The following SH3GL1 variants were observed in gnomAD, a reference collection of about 807,000 sequenced individuals.
SH3GL1 encodes SH3 domain containing GRB2 like 1, endophilin A2, also known as endophilin-A2.
SH3GL1 carries 21 observed loss-of-function variants against 48.8 expected under a neutral mutation model. That is an observed-to-expected ratio of 0.43 (90% confidence interval 0.30 to 0.62). The LOEUF is 0.62. Among genes scored for constraint, SH3GL1 ranks in the 20% least tolerant of loss-of-function variants. The probability of loss-of-function intolerance (pLI) is 0.11; values close to 1 mark genes in which losing one functional copy is unlikely to be tolerated. For synonymous variants in SH3GL1, 282 were observed against 217.5 expected, an observed-to-expected ratio of 1.30 and a Z score of -2.61; for missense variants, 454 against 503.0, an observed-to-expected ratio of 0.90 and a Z score of 0.93.
chr19:4,378,134 C>CT (rs1973048821), intron 1 of SH3GL1, among the ~76,000 whole-genome samples: 1 of 152,214 alleles, frequency 6.6e-6, no homozygotes, highest in African/African-American at 2.4e-5. Context: ...GCGTCAGTCA[C>CT]TGAGTATATG....
intron 1 of SH3GL1, among the ~76,000 whole-genome samples, chr19:4,381,138 C>A (rs1973115216): frequency 8.1e-6 from 1 of 123,570 alleles, no homozygotes; most frequent in Non-Finnish European, 1.7e-5. Flanking sequence ...TATCCCCCTG[C>A]CTCTCTGTTC....
At chr19:4,370,254 C>A (rs1191054299) in intron 1 of SH3GL1, among the ~76,000 whole-genome samples, 2 of 152,212 alleles carry the variant, frequency 1.3e-5, no homozygotes, top group Admixed American at 1.3e-4. Context: ...AGGCCATGGT[C>A]CCAGCAGTCC....
intron 2 of SH3GL1, 142 bp downstream of exon 2, chr19:4,366,784 C>A: frequency 2.1e-6 from 2 of 956,010 alleles, no homozygotes; most frequent in Non-Finnish European, 3.4e-6. Context: ...ACGAGGCCCC[C>A]ACACCACCCC....
intron 1 of SH3GL1, among the ~76,000 whole-genome samples, chr19:4,377,588 C>T (rs1343187932): frequency 6.6e-6 from 1 of 152,182 alleles, no homozygotes; most frequent in African/African-American, 2.4e-5. Context: ...AGGCGGTCAG[C>T]AGCTCTGCAC....
rs755374472 is a variant in SH3GL1 at position 4,362,322 on chromosome 19, C to T, written c.910+7G>A. ...ACTGAGGTCGAGGCGGGCCTGGGAA[C>T]ACTCACGCATGCTCCGGCTAGGGGT... On this transcript the variant is annotated splice_region_variant and intron_variant, in intron 9 of 9. Coordinates refer to ENST00000269886, the MANE Select transcript of SH3GL1 (RefSeq NM_003025.4). 1.2e-6 allele frequency: 2 copies of T among 1,610,274 alleles called. No individual in the cohort carries two copies. The highest frequency in any genetic ancestry group is 2.2e-5 in the South Asian group (2 of 90,412).
At position 4,361,756 on chromosome 19, in the gene SH3GL1, G is replaced by A. The variant is rs576935472; in HGVS notation, c.951C>T (p.Phe317=). ...DQPSCKALYD[F]EPENDGELGF... ...CCAGCTCCCCGTCGTTCTCGGGCTC[G>A]AAGTCGTACAGCGCCTTGCAGCTCG... The change falls in exon 10 of 10, where the codon TTC becomes TTT. Residue 317 remains phenylalanine, a synonymous_variant. Coordinates refer to ENST00000269886, the MANE Select transcript of SH3GL1 (RefSeq NM_003025.4). The A allele has an allele frequency of 1.3e-5, 21 of 1,612,020 alleles. No individual in the cohort carries two copies. In the African/African-American group the frequency reaches 1.6e-4, roughly 12 times the overall value.
At chr19:4,363,057 A>C (rs1045216600) in intron 7 of SH3GL1, among the ~76,000 whole-genome samples, 1 of 152,184 alleles carries the variant, frequency 6.6e-6, no homozygotes, top group Non-Finnish European at 1.5e-5. Flanking sequence ...ACATACGCCA[A>C]GGCCCCTGAA....
intron 1 of SH3GL1, among the ~76,000 whole-genome samples, chr19:4,392,536 A>T (rs1002601676): frequency 3.3e-5 from 2 of 60,824 alleles, no homozygotes; most frequent in Admixed American, 1.1e-4. Flanking sequence ...ACACACACAC[A>T]CACACACACA....
intron 1 of SH3GL1, among the ~76,000 whole-genome samples, chr19:4,375,583 GA>G (rs1394105879): frequency 6.6e-6 from 1 of 152,180 alleles, no homozygotes; most frequent in Admixed American, 6.5e-5. Context: ...TCCAAACATG[GA>G]GATGCCAGTG....
chr19:4,384,285 A>G (rs914187264), intron 1 of SH3GL1, among the ~76,000 whole-genome samples: 1 of 152,224 alleles, frequency 6.6e-6, no homozygotes, highest in Non-Finnish European at 1.5e-5. Context: ...GCTAACCCTG[A>G]GCTGGGAGCC....
intron 1 of SH3GL1, among the ~76,000 whole-genome samples, chr19:4,393,051 A>C (rs1005332122): frequency 5.3e-5 from 8 of 152,200 alleles, no homozygotes; most frequent in African/African-American, 1.9e-4. Context: ...ACCTGAGGTC[A>C]GGAGTTCGAG....
chr19:4,363,472 A>G lies in SH3GL1; in HGVS notation c.626T>C (p.Ile209Thr). 1 of 1,611,414 alleles carries G rather than the reference A, an allele frequency of 6.2e-7. No homozygotes were observed. Among genetic ancestry groups the G allele is most frequent in the Non-Finnish European group, 8.5e-7 (1 of 1,178,968 alleles). The part of the protein sequence containing the change: ...TSMHNLLETD[I>T]EQVSQLSALV... The stretch of plus-strand genomic sequence containing the variant: ...GGCCGAGAGCTGACTCACCTGCTCG[A>G]TCTGTGGGGACAGTAGGGCTCAGGG... Residue 209 changes from isoleucine to threonine, a missense_variant and splice_region_variant, in exon 7 of 10, where the codon ATC becomes ACC. Physicochemically the swap from Ile to Thr is moderately conservative, Grantham distance 89 (BLOSUM62 -1). Coordinates refer to ENST00000269886, the MANE Select transcript of SH3GL1 (RefSeq NM_003025.4).
intron 1 of SH3GL1, among the ~76,000 whole-genome samples, chr19:4,383,679 C>T (rs1013938691): frequency 4.6e-5 from 7 of 152,194 alleles, no homozygotes; most frequent in African/African-American, 9.7e-5. Context: ...CTGAGGAACA[C>T]GAGACGGCAC....
In SH3GL1 at chr19:4,367,096, G is replaced by C. The variant is rs538834362; in HGVS notation, c.46-102C>G. 3.9e-6 allele frequency: 4 copies of C among 1,030,560 alleles called. No individual in the cohort carries two copies. Among genetic ancestry groups the C allele is most frequent in the Non-Finnish European group, 6.1e-6 (4 of 653,034 alleles). The allele number at this position is 1,030,560 out of a possible 1,614,324, so 63.8% of individuals were successfully genotyped here. ...TCCAGCCACATCGCATCCACAGCTG[G>C]AGGCAGGAGGCCAAGTGATCAGGAC... On this transcript the variant is annotated intron_variant, in intron 1 of 9. Transcript: ENST00000269886. This position sits in a 1 kb window ranked among gnomAD's most constrained non-coding sequence, Gnocchi z 4.2.
In SH3GL1 at chr19:4,361,310, G is replaced by A; in HGVS notation, c.*290C>T. The A allele has an allele frequency of 8.0e-6, 4 of 497,158 alleles. No homozygotes were observed. The highest frequency in any genetic ancestry group is 1.4e-5 in the Non-Finnish European group (4 of 277,832). The allele number at this position is 497,158 out of a possible 1,614,324, so 30.8% of individuals were successfully genotyped here. On this transcript the variant is annotated 3_prime_UTR_variant, in exon 10 of 10. Transcript: ENST00000269886. ...CCTTAGTGTTGCCCCGCCTCGGCCA[G>A]CTGGGCGAGAAGTTGGGGAGCGGGG...
chr19:4,370,312 G>A (rs1972872129), intron 1 of SH3GL1, among the ~76,000 whole-genome samples: 1 of 152,220 alleles, frequency 6.6e-6, no homozygotes, highest in African/African-American at 2.4e-5. Context: ...CCTGACTAGT[G>A]CAGCGGACTC....
chr19:4,376,969 C>T lies in SH3GL1; in HGVS notation c.46-9975G>A, dbSNP rs1304185768. On this transcript the variant is annotated intron_variant, in intron 1 of 9. Coordinates refer to ENST00000269886, the MANE Select transcript of SH3GL1 (RefSeq NM_003025.4). This position sits in a 1 kb window ranked among gnomAD's most constrained non-coding sequence, Gnocchi z 4.3. ...AAGCTCCGGGGGCAGCAACTCCCCG[C>T]AGTGACCCGGAAGGCAGCCAGATGA... 2.0e-5 allele frequency among the ~76,000 whole-genome samples: 3 copies of T among 152,238 alleles called. No homozygotes were observed. Among genetic ancestry groups the T allele is most frequent in the Non-Finnish European group, 4.4e-5 (3 of 68,052 alleles).
At chr19:4,375,441 C>G (rs1194089833) in intron 1 of SH3GL1, among the ~76,000 whole-genome samples, 1 of 152,224 alleles carries the variant, frequency 6.6e-6, no homozygotes, top group Non-Finnish European at 1.5e-5. Context: ...CGCCCCAGGG[C>G]TGGGCGAGGA....
chr19:4,400,517 G>C lies in SH3GL1; in HGVS notation c.-149C>G. The C allele has an allele frequency of 1.9e-5, 10 of 513,732 alleles. No individual in the cohort carries two copies. Among genetic ancestry groups the C allele is most frequent in the South Asian group, 7.9e-5 (1 of 12,650 alleles). 31.8% of individuals were successfully genotyped at this position (513,732 alleles called of 1,614,324 possible). Reference sequence around the variant, plus strand: ...CCGCGCCCGCCCCGGCGCCGCCTCAGCCGCTCGCGCGCCCGCGCGGCCAGG... The same window carrying C: ...CCGCGCCCGCCCCGGCGCCGCCTCACCCGCTCGCGCGCCCGCGCGGCCAGG... On this transcript the variant is annotated 5_prime_UTR_variant, in exon 1 of 10. Transcript: ENST00000269886. This position sits in a 1 kb window ranked among gnomAD's most constrained non-coding sequence, Gnocchi z 4.1.
Sources: gnomAD v4.1 joint callset for allele counts (sites outside exome capture counted in the v4.1 genomes callset) on GRCh38, gnomAD v4.1.1 for gene constraint, Gnocchi (gnomAD v3.1) non-coding constraint, MANE v1.5 for transcripts, NCBI Gene and HGNC (gene_info 2026-07-23, HGNC 2026-07-21) for gene names.